The following NF1 variants were observed in gnomAD, a reference collection of about 807,000 sequenced individuals.
NF1 encodes the protein neurofibromin.
Under a neutral mutation model 325.7 loss-of-function variants are expected in NF1, and 122 were observed. That is an observed-to-expected ratio of 0.37 (90% CI 0.32 to 0.44). NF1 has a LOEUF of 0.44. NF1 is among the 20% of genes least tolerant of loss of function. The pLI, the probability that NF1 is intolerant of heterozygous loss-of-function variation, is 1.00. For synonymous variants in NF1, 1,091 were observed against 1,186.0 expected, an observed-to-expected ratio of 0.92 and a Z score of 1.65; for missense variants, 2,140 against 3,415.4, an observed-to-expected ratio of 0.63 and a Z score of 9.31.
At chr17:31,235,568 A>C in intron 27 of NF1, 43 bp from the exon 28 acceptor site, 3 of 1,611,740 alleles carry the variant, frequency 1.9e-6, no homozygotes, top group Non-Finnish European at 2.5e-6. Context: ...CTAAGAATAA[A>C]AATGGGATTG....
chr17:31,193,995 T>C (rs2066392665), intron 8 of NF1, among the ~76,000 whole-genome samples: 2 of 152,142 alleles, frequency 1.3e-5, no homozygotes, highest in African/African-American at 4.8e-5. Flanking sequence ...CTCAAAAAAC[T>C]GCAAATAGAA....
At chr17:31,288,091 T>TA (rs1255845337) in intron 36 of NF1, among the ~76,000 whole-genome samples, 4 of 150,624 alleles carry the variant, frequency 2.7e-5, no homozygotes, top group Non-Finnish European at 4.4e-5. Flanking sequence ...TAATAATAAT[T>TA]AAAAAATAAT....
intron 2 of NF1, among the ~76,000 whole-genome samples, chr17:31,157,494 T>G (rs150308205): frequency 6.6e-6 from 1 of 152,328 alleles, no homozygotes; most frequent in East Asian, 1.9e-4. Context: ...TGTTCTATTT[T>G]ATTTTTAACT....
At chr17:31,194,201 C>T (rs952962451) in intron 8 of NF1, among the ~76,000 whole-genome samples, 6 of 152,048 alleles carry the variant, frequency 3.9e-5, no homozygotes, top group African/African-American at 1.4e-4. Context: ...GAATAGTATT[C>T]AGCCATAAAA....
At chr17:31,259,311 T>C (rs145758419) in intron 33 of NF1, among the ~76,000 whole-genome samples, 182 bp downstream of exon 33, 143 of 152,302 alleles carry the variant, frequency 9.4e-4, no homozygotes, top group South Asian at 7.7e-3. Flanking sequence ...AATAAATTAA[T>C]ATTTTTTATA....
chr17:31,300,777 TG>T (rs1160651953), intron 36 of NF1, among the ~76,000 whole-genome samples: 1 of 152,142 alleles, frequency 6.6e-6, no homozygotes, highest in Non-Finnish European at 1.5e-5. Context: ...CAGTGTATCA[TG>T]GTGTCGAGTT....
At chr17:31,162,161 C>G (rs1470556070) in intron 3 of NF1, among the ~76,000 whole-genome samples, 1 of 151,576 alleles carries the variant, frequency 6.6e-6, no homozygotes, top group Non-Finnish European at 1.5e-5. Flanking sequence ...AGCTGGCCCA[C>G]TTAAAGTCAT....
At position 31,246,452 on chromosome 17, in the gene NF1, GTTAA is replaced by G. The variant is rs527418825; in HGVS notation, c.3975-2526_3975-2523del. Among the ~76,000 whole-genome samples the G allele has an allele frequency of 1.3e-4, 20 of 152,262 alleles. No individual in the cohort carries two copies. The East Asian group carries it at 3.3e-3, about 25-fold the overall frequency. Reference sequence around the variant, plus strand: ...AGTGTCCAAAGCATTTCTGTAATACGTTAATTAATATAGAAACAAAATTACTAAT... The same window carrying G: ...AGTGTCCAAAGCATTTCTGTAATACGTTAATATAGAAACAAAATTACTAAT... On this transcript the variant is annotated intron_variant, in intron 29 of 57. Coordinates refer to ENST00000358273, the MANE Select transcript of NF1 (RefSeq NM_001042492.3).
chr17:31,247,594 T>C (rs574109727), intron 29 of NF1, among the ~76,000 whole-genome samples: 1 of 152,360 alleles, frequency 6.6e-6, no homozygotes, highest in South Asian at 2.1e-4. Context: ...TATACAGTAC[T>C]AGTTTTAGAG....
chr17:31,270,828 C>A (rs912870415), intron 36 of NF1, among the ~76,000 whole-genome samples: 2 of 152,128 alleles, frequency 1.3e-5, no homozygotes, highest in Non-Finnish European at 1.5e-5. Flanking sequence ...ATATTATTAA[C>A]AATTAATTGA....
At chr17:31,244,809 G>T (rs1206013429) in intron 29 of NF1, among the ~76,000 whole-genome samples, 1 of 152,108 alleles carries the variant, frequency 6.6e-6, no homozygotes, top group Non-Finnish European at 1.5e-5. Context: ...TTCTTATGAA[G>T]GTGCTTTTTT....
intron 1 of NF1, among the ~76,000 whole-genome samples, chr17:31,131,403 G>A (rs534381977): frequency 6.6e-6 from 1 of 152,252 alleles, no homozygotes; most frequent in Non-Finnish European, 1.5e-5. Context: ...AGTCACTGGG[G>A]GCCAGGAAAA....
At chr17:31,363,276 CATGTTCACA>C (rs1339141376) in intron 57 of NF1, among the ~76,000 whole-genome samples, 3 of 151,980 alleles carry the variant, frequency 2.0e-5, no homozygotes, top group Non-Finnish European at 2.9e-5. Flanking sequence ...ATTACAGGCT[CATGTTCACA>C]AAAGGATCCC....
intron 36 of NF1, among the ~76,000 whole-genome samples, chr17:31,302,352 G>A (rs138062652): frequency 8.4e-4 from 128 of 152,166 alleles, no homozygotes; most frequent in African/African-American, 3.0e-3. Context: ...GTAAAAAGGG[G>A]CAAAAATGTG....
intron 1 of NF1, among the ~76,000 whole-genome samples, chr17:31,102,632 G>C (rs1367961096): frequency 6.6e-6 from 1 of 151,800 alleles, no homozygotes. Context: ...CTACTCAGGA[G>C]GCTGAGGCAG....
chr17:31,192,767 C>T (rs986972191), intron 8 of NF1, among the ~76,000 whole-genome samples: 7 of 152,034 alleles, frequency 4.6e-5, no homozygotes, highest in African/African-American at 1.7e-4. Context: ...AATATTTTTT[C>T]CTTGTCTCAT....
chr17:31,295,258 T>C, intron 36 of NF1: 1 of 1,614,132 alleles, frequency 6.2e-7, no homozygotes, highest in South Asian at 1.1e-5. Context: ...CCATTCCATC[T>C]TGGAGATGAA....
chr17:31,248,347 C>CT lies in NF1; in HGVS notation c.3975-633dup, dbSNP rs746616456. 2.6e-5 allele frequency among the ~76,000 whole-genome samples: 4 copies of CT among 152,250 alleles called. No individual in the cohort carries two copies. In the East Asian group the frequency reaches 7.7e-4, roughly 29 times the overall value. On this transcript the variant is annotated intron_variant, in intron 29 of 57. Coordinates refer to ENST00000358273, the MANE Select transcript of NF1 (RefSeq NM_001042492.3). ...TGTTTTATCTGTCCCCTCTCTCCCC[C>CT]TTTTGTTGCTTGGGTATTTTAAAGC...
intron 57 of NF1, among the ~76,000 whole-genome samples, chr17:31,368,222 C>T (rs1015304592): frequency 2.0e-5 from 3 of 152,084 alleles, no homozygotes; most frequent in Non-Finnish European, 2.9e-5. Context: ...CTGCAACCTC[C>T]GCCTCCCCAG....
Sources: allele counts gnomAD v4.1 joint callset (sites outside exome capture counted in the v4.1 genomes callset), GRCh38; gene constraint gnomAD v4.1.1; transcripts MANE v1.5; gene names NCBI Gene and HGNC (gene_info 2026-07-23, HGNC 2026-07-21).